CNOT6: variants seen among roughly 807,000 people sequenced by gnomAD.
The protein encoded by CNOT6 is carbon catabolite repression 4 protein.
Under a neutral mutation model 61.2 loss-of-function variants are expected in CNOT6, and 12 were observed. The observed-to-expected ratio is 0.20, with a 90% CI of 0.13 to 0.32. CNOT6 has a LOEUF of 0.32. CNOT6 is among the 10% of genes least tolerant of loss of function. The pLI is 1.00. For missense variants in CNOT6, 405 were observed against 663.9 expected, an observed-to-expected ratio of 0.61 and a Z score of 4.28; for synonymous variants, 225 against 240.6, an observed-to-expected ratio of 0.94 and a Z score of 0.60.
rs56899929 is a variant in CNOT6 at position 180,510,134 on chromosome 5, C to CTTTTTTTT, written c.-3+15399_-3+15406dup. 1.5e-3 allele frequency among the ~76,000 whole-genome samples: 57 copies of CTTTTTTTT among 37,382 alleles called. 6 individuals are homozygous for CTTTTTTTT. The highest frequency in any genetic ancestry group is 9.9e-3 in the Admixed American group (18 of 1,816). The allele number at this position is 37,382 out of a possible 152,430, so 24.5% of individuals were successfully genotyped here. On this transcript the variant is annotated intron_variant, in intron 1 of 11. Transcript: ENST00000261951. Reference sequence around the variant, plus strand: ...TAAATGAGGTTTATCGTCTGTAAACCTTTTTTTTTTTTTTTTTTTTTTTTT... The same window carrying CTTTTTTTT: ...TAAATGAGGTTTATCGTCTGTAAACCTTTTTTTTTTTTTTTTTTTTTTTTTTTTTTTTT...
chr5:180,500,539 G>A (rs1348744788), intron 1 of CNOT6, among the ~76,000 whole-genome samples: 2 of 151,068 alleles, frequency 1.3e-5, no homozygotes, highest in African/African-American at 2.4e-5. Flanking sequence ...CCGGGTTCAC[G>A]CCATTCTCCT....
At chr5:180,515,572 G>GGTCTC (rs1561636245) in intron 1 of CNOT6, among the ~76,000 whole-genome samples, 1 of 152,142 alleles carries the variant, frequency 6.6e-6, no homozygotes. Context: ...GAAGGTAATC[G>GGTCTC]ATGGCAGTGT....
intron 2 of CNOT6, among the ~76,000 whole-genome samples, chr5:180,547,970 G>A (rs566868249): frequency 1.3e-4 from 20 of 152,334 alleles, no homozygotes; most frequent in African/African-American, 4.1e-4. Context: ...CTGACTTCAG[G>A]TGATCTGCCC....
chr5:180,539,254 A>G (rs1758888387), intron 2 of CNOT6, among the ~76,000 whole-genome samples: 1 of 151,212 alleles, frequency 6.6e-6, no homozygotes, highest in Admixed American at 6.6e-5. Flanking sequence ...CAAGATGGCA[A>G]GGCCCCAGAG....
At chr5:180,499,220 G>A (rs1223021693) in intron 1 of CNOT6, among the ~76,000 whole-genome samples, 1 of 152,212 alleles carries the variant, frequency 6.6e-6, no homozygotes. Flanking sequence ...TTTGGAAGAA[G>A]TTAAAAGCAG....
intron 1 of CNOT6, among the ~76,000 whole-genome samples, chr5:180,499,415 G>A (rs1756765793): frequency 6.6e-6 from 1 of 152,176 alleles, no homozygotes; most frequent in African/African-American, 2.4e-5. Context: ...TAGGATATGG[G>A]TTGTAAACAT....
intron 1 of CNOT6, among the ~76,000 whole-genome samples, chr5:180,518,051 C>T (rs1459292405): frequency 2.0e-5 from 3 of 152,198 alleles, no homozygotes; most frequent in Non-Finnish European, 4.4e-5. Flanking sequence ...TCGTCTTTTA[C>T]ATCATTGCCA....
At chr5:180,500,745 G>A (rs1756836654) in intron 1 of CNOT6, among the ~76,000 whole-genome samples, 1 of 152,184 alleles carries the variant, frequency 6.6e-6, no homozygotes, top group Non-Finnish European at 1.5e-5. Flanking sequence ...GGGGCTTAGA[G>A]TCTTTTGTCC....
At chr5:180,522,019 T>C (rs1489798623) in intron 1 of CNOT6, among the ~76,000 whole-genome samples, 1 of 152,244 alleles carries the variant, frequency 6.6e-6, no homozygotes, top group Non-Finnish European at 1.5e-5. Context: ...TGTACCTTTT[T>C]TGTAGAAAGA....
intron 10 of CNOT6, 64 bp from the exon 11 acceptor site, chr5:180,571,166 G>A (rs1231811772): frequency 6.9e-6 from 8 of 1,152,080 alleles, no homozygotes; most frequent in Non-Finnish European, 1.0e-5. Flanking sequence ...TCTTACTATT[G>A]CATGATCTTT....
rs772657937 is a variant in CNOT6 at position 180,529,387 on chromosome 5, T to C, written c.111T>C (p.Ser37=). ...KKSHWAELEI[S]GKVRSLSASL... ...CCCACTGGGCAGAGCTTGAAATAAG[T>C]GGTAAGACATGGAAGCATGAATTTA... The change falls in exon 2 of 12, where the codon AGT becomes AGC. Residue 37 remains serine (S), a splice_region_variant and synonymous_variant. Transcript: ENST00000261951. 8.3e-6 allele frequency: 13 copies of C among 1,566,222 alleles called. No individual in the cohort carries two copies. The South Asian group carries it at 1.2e-4, about 15-fold the overall frequency.
At chr5:180,517,752 T>C (rs1057167854) in intron 1 of CNOT6, among the ~76,000 whole-genome samples, 17 of 150,698 alleles carry the variant, frequency 1.1e-4, no homozygotes, top group African/African-American at 3.9e-4. Context: ...CCATGTTGGC[T>C]AGGCTGGTTT....
In CNOT6 at chr5:180,561,790, G is replaced by T. The variant is rs187409433; in HGVS notation, c.386-2699G>T. ...CGGCCTCCACAGGCACCGCACTGGC[G>T]TGTCCTCTTTATTGCAGGGAGATGG... is the stretch of plus-strand genomic sequence containing the variant. On this transcript the variant is annotated intron_variant, in intron 4 of 11. Transcript: ENST00000261951. Among the ~76,000 whole-genome samples the T allele has an allele frequency of 2.7e-3, 404 of 152,280 alleles. 1 individual carries two copies. Among genetic ancestry groups the T allele is most frequent in the Non-Finnish European group, 3.9e-3 (265 of 68,028 alleles).
In CNOT6 at chr5:180,550,097, C is replaced by T. The variant is rs770528982; in HGVS notation, c.279C>T (p.Leu93=). ...SNKIRSLPAE[L]GNMVSLRELH... Reference sequence around the variant, plus strand: ...AAATTCGTAGCTTACCCGCAGAACTCGGAAACATGGTATCACTCAGGTATG... The same window carrying T: ...AAATTCGTAGCTTACCCGCAGAACTTGGAAACATGGTATCACTCAGGTATG... Residue 93 remains leucine, a synonymous_variant, in exon 3 of 12, where the codon CTC becomes CTT. Coordinates refer to ENST00000261951, the MANE Select transcript of CNOT6 (RefSeq NM_001370472.1). 103 of 1,613,700 alleles carry T rather than the reference C, an allele frequency of 6.4e-5. No homozygotes were observed. The highest frequency in any genetic ancestry group is 4.0e-4 in the Admixed American group (24 of 59,974).
At chr5:180,567,271 G>GT in intron 8 of CNOT6, 29 bp downstream of exon 8, 1 of 1,586,672 alleles carries the variant, frequency 6.3e-7, no homozygotes, top group Non-Finnish European at 8.5e-7. Context: ...TAAAAAGAAC[G>GT]TTTTCTCAGT....
In CNOT6 at chr5:180,569,306, G is replaced by A. The variant is rs1427363168; in HGVS notation, c.1224G>A (p.Val408=). 6.2e-7 allele frequency: 1 copy of A among 1,613,456 alleles called. No individual in the cohort carries two copies. The highest frequency in any genetic ancestry group is 2.2e-5 in the East Asian group (1 of 44,880). ...GAGAATTTGGAACTATTCCACTTGT[G>A]TTATGTGCAGATCTTAATTCTTTGC... is the stretch of plus-strand genomic sequence containing the variant. ...VLGEFGTIPL[V]LCADLNSLPD... Residue 408 remains valine, a synonymous_variant, in exon 10 of 12, where the codon GTG becomes GTA. Coordinates refer to ENST00000261951, the MANE Select transcript of CNOT6 (RefSeq NM_001370472.1).
Position 180,564,484 on chromosome 5 carries a change from T to C in CNOT6, c.386-5T>C, listed in dbSNP as rs773015782. 9 of 1,583,162 alleles carry C rather than the reference T, an allele frequency of 5.7e-6. No homozygotes were observed. Among genetic ancestry groups the C allele is most frequent in the Non-Finnish European group, 6.9e-6 (8 of 1,160,452 alleles). On this transcript the variant is annotated splice_region_variant and splice_polypyrimidine_tract_variant and intron_variant, in intron 4 of 11. Coordinates refer to ENST00000261951, the MANE Select transcript of CNOT6 (RefSeq NM_001370472.1). ...TCATTTTACTTATTTCAAAAATATT[T>C]CCAGGAAATCCCCTTACCCAGGATA...
intron 1 of CNOT6, among the ~76,000 whole-genome samples, chr5:180,524,064 TTTGA>T (rs1161358099): frequency 1.3e-5 from 2 of 152,168 alleles, no homozygotes; most frequent in Non-Finnish European, 2.9e-5. Flanking sequence ...GAGATTTTTG[TTTGA>T]TTGTGCCAGG....
chr5:180,573,240 C>T (rs921793247), intron 11 of CNOT6, among the ~76,000 whole-genome samples: 10 of 152,070 alleles, frequency 6.6e-5, no homozygotes, highest in Admixed American at 5.2e-4. Context: ...CAGATGGGAA[C>T]AGTTTAGTAG....
Sources: allele counts gnomAD v4.1 joint callset (sites outside exome capture counted in the v4.1 genomes callset), GRCh38; gene constraint gnomAD v4.1.1; transcripts MANE v1.5; gene names NCBI Gene and HGNC (gene_info 2026-07-23, HGNC 2026-07-21).